CTBP2: variants seen among roughly 807,000 people sequenced by gnomAD.
CTBP2 encodes C-terminal binding protein 2.
A neutral mutation model predicts 80.3 loss-of-function variants in CTBP2; 30 were observed. That is an observed-to-expected ratio of 0.37 (90% CI 0.28 to 0.51). CTBP2 has a LOEUF of 0.51. Among genes scored for constraint, CTBP2 ranks in the 20% least tolerant of loss-of-function variants. The pLI is 0.93. For missense variants in CTBP2, 1,212 were observed against 1,375.3 expected (o/e 0.88, Z 1.88); for synonymous variants, 594 against 587.4 (o/e 1.01, Z -0.16).
intron 2 of CTBP2, among the ~76,000 whole-genome samples, chr10:125,046,537 CA>C (rs57913854): frequency 0.59 from 67,329 of 114,550 alleles, 18,503 homozygotes; most frequent in East Asian, 0.91. Flanking sequence ...GACTCTATCT[CA>C]AAAAAAAAAA....
chr10:125,035,994 AAG>A (rs997200599), intron 3 of CTBP2, among the ~76,000 whole-genome samples: 8 of 152,300 alleles, frequency 5.3e-5, no homozygotes, highest in Non-Finnish European at 8.8e-5. Context: ...AGCAAACTCA[AAG>A]AGTTACATTA....
chr10:125,155,469 A>G lies in CTBP2; in HGVS notation c.-206+4850T>C, dbSNP rs564689411. 5.9e-5 allele frequency among the ~76,000 whole-genome samples: 9 copies of G among 152,198 alleles called. No homozygotes were observed. The East Asian group carries it at 1.7e-3, about 29-fold the overall frequency. ...GGCGAAGTTCTGAATGCCCAAGTGC[A>G]GCCATAATTTAGGCTTTAAACATTA... On this transcript the variant is annotated intron_variant, in intron 1 of 10. Transcript: ENST00000337195.
intron 3 of CTBP2, among the ~76,000 whole-genome samples, chr10:125,036,696 T>A (rs1958931633): frequency 8.3e-6 from 1 of 120,562 alleles, no homozygotes; most frequent in Non-Finnish European, 1.7e-5. Flanking sequence ...TGTGTGTGTG[T>A]GTGTGTGTGT....
chr10:125,007,575 T>C (rs759383016), intron 1 of CTBP2, among the ~76,000 whole-genome samples: 5 of 152,160 alleles, frequency 3.3e-5, no homozygotes, highest in African/African-American at 1.2e-4. Flanking sequence ...CTACATTTCA[T>C]TGTGGGGAGC....
At chr10:125,099,473 A>C (rs1033330030) in intron 2 of CTBP2, among the ~76,000 whole-genome samples, 6 of 152,112 alleles carry the variant, frequency 3.9e-5, no homozygotes, top group Admixed American at 3.9e-4. Flanking sequence ...TCCACCACTC[A>C]GCCCTCCCCC....
intron 7 of CTBP2, 48 bp from the exon 10 acceptor site, chr10:124,992,860 G>GT: frequency 6.9e-7 from 1 of 1,442,818 alleles, no homozygotes; most frequent in South Asian, 1.2e-5. Flanking sequence ...ACAAATCACA[G>GT]TAAGTTCAAC....
Position 125,027,364 on chromosome 10 carries a change from G to C in CTBP2, c.396C>G (p.Val132=), listed in dbSNP as rs748359424. The C allele has an allele frequency of 4.3e-6, 7 of 1,613,560 alleles. No homozygotes were observed. The highest frequency in any genetic ancestry group is 5.9e-6 in the Non-Finnish European group (7 of 1,179,996). ...CTCCGTAGCTGGGGACCGGCCGGCT[G>C]ACTCCTGGGTCCCGATAGAGGGGAG... The change falls in exon 1 of 9, where the codon GTC becomes GTG. Residue 132 remains valine (V), a synonymous_variant. Coordinates refer to ENST00000309035, the MANE Select transcript of CTBP2 (RefSeq NM_022802.3).
rs1233032220 is a variant in CTBP2, at chr10:125,066,410, TAGGTGAGTGCAGGGC to T, written c.-101-27270_-101-27256del. 6.6e-6 allele frequency among the ~76,000 whole-genome samples: 1 copy of T among 151,976 alleles called. No individual in the cohort carries two copies. The highest frequency in any genetic ancestry group is 6.5e-5 in the Admixed American group (1 of 15,268). Reference sequence around the variant, plus strand: ...AAGCAGTCAGGTGCATGCACCATGCTAGGTGAGTGCAGGGCAGGAACGGAAGGCAAGCAGGGTGCG... The same window carrying T: ...AAGCAGTCAGGTGCATGCACCATGCTAGGAACGGAAGGCAAGCAGGGTGCG... On this transcript the variant is annotated intron_variant, in intron 2 of 10. Transcript: ENST00000337195. The surrounding 1 kb of genome is among the most constrained non-coding windows in gnomAD (Gnocchi z 4.1).
chr10:125,054,329 G>A (rs950653534), intron 2 of CTBP2, among the ~76,000 whole-genome samples: 4 of 152,178 alleles, frequency 2.6e-5, no homozygotes, highest in Non-Finnish European at 4.4e-5. Flanking sequence ...ACCAGTGTGG[G>A]CATCCTCCCA....
upstream of CTBP2, chr10:125,161,090 G>C (rs1317705301): frequency 3.3e-5 from 5 of 151,192 alleles, no homozygotes; most frequent in Admixed American, 3.3e-4. Context: ...CAAAGGCGGG[G>C]TCTCTTTTTG....
chr10:125,110,429 T>G (rs563811294), intron 2 of CTBP2, among the ~76,000 whole-genome samples: 51 of 152,252 alleles, frequency 3.3e-4, no homozygotes, highest in African/African-American at 1.2e-3. Flanking sequence ...TGGTAGGGAT[T>G]GAATGCTCAT....
At chr10:125,098,579 CT>C (rs1849917104) in intron 2 of CTBP2, among the ~76,000 whole-genome samples, 1 of 151,388 alleles carries the variant, frequency 6.6e-6, no homozygotes, top group Admixed American at 6.6e-5. Flanking sequence ...CTATTTGTAC[CT>C]GTGCCCTGCA....
rs547264816 is a variant in CTBP2 at position 125,151,856 on chromosome 10, G to C, written c.-206+8463C>G. ...GTCTAGCTGGACCCCCGCCGCCCCG[G>C]GTCCGAGCGGCCCCGCCCAGCACAA... On this transcript the variant is annotated intron_variant, in intron 1 of 10. Coordinates refer to the CTBP2 transcript ENST00000337195. Among the ~76,000 whole-genome samples, 17 of 152,308 alleles carry C rather than the reference G, an allele frequency of 1.1e-4. No individual in the cohort carries two copies. In the South Asian group the frequency reaches 3.3e-3, roughly 30 times the overall value.
At chr10:125,018,334 G>A (rs1289063591) in intron 1 of CTBP2, among the ~76,000 whole-genome samples, 1 of 152,126 alleles carries the variant, frequency 6.6e-6, no homozygotes, top group Admixed American at 6.5e-5. Context: ...AGACCAGCCT[G>A]GCCAACATGG....
At chr10:125,025,774 T>C (rs1366742841) in intron 1 of CTBP2, among the ~76,000 whole-genome samples, 1 of 152,234 alleles carries the variant, frequency 6.6e-6, no homozygotes, top group Non-Finnish European at 1.5e-5. Flanking sequence ...TCTGAGTGAC[T>C]TGCGACTTTC....
chr10:125,113,956 A>G (rs1029955911), intron 1 of CTBP2, among the ~76,000 whole-genome samples: 3 of 152,224 alleles, frequency 2.0e-5, no homozygotes, highest in African/African-American at 7.2e-5. Context: ...GCTCGTTGTT[A>G]CTTGAAGGTC....
chr10:125,034,965 T>C (rs1326724695), intron 3 of CTBP2, among the ~76,000 whole-genome samples: 1 of 152,150 alleles, frequency 6.6e-6, no homozygotes, highest in African/African-American at 2.4e-5. Flanking sequence ...TTGCTGACCC[T>C]GGAGGCGCCT....
Position 125,066,074 on chromosome 10 carries a change from C to CA in CTBP2, c.-101-26920dup, listed in dbSNP as rs4020629. Among the ~76,000 whole-genome samples, 151 of 137,926 alleles carry CA rather than the reference C, an allele frequency of 1.1e-3. 1 individual carries two copies. The highest frequency in any genetic ancestry group is 3.7e-3 in the Middle Eastern group (1 of 272). The allele number at this position is 137,926 out of a possible 152,430, so 90.5% of individuals were successfully genotyped here. ...CCTGATTGTGCCATGGCACTCTAGC[C>CA]AAAAAAAAAAAGCCGTCATCTTCTT... On this transcript the variant is annotated intron_variant, in intron 2 of 10. Transcript: ENST00000337195. This position sits in a 1 kb window ranked among gnomAD's most constrained non-coding sequence, Gnocchi z 4.1.
intron 1 of CTBP2, among the ~76,000 whole-genome samples, chr10:125,135,321 A>C (rs1856821986): frequency 6.6e-6 from 1 of 152,216 alleles, no homozygotes. Context: ...TTGTAGGCCA[A>C]GGATTCCCAT....
Sources: gnomAD v4.1 joint callset for allele counts (sites outside exome capture counted in the v4.1 genomes callset) on GRCh38, gnomAD v4.1.1 for gene constraint, Gnocchi (gnomAD v3.1) non-coding constraint, MANE v1.5 for transcripts, NCBI Gene and HGNC (gene_info 2026-07-23, HGNC 2026-07-21) for gene names.